The following RAD51 variants were observed in gnomAD, a reference collection of about 807,000 sequenced individuals.
The protein encoded by RAD51 is RAD51 recombinase.
Under a neutral mutation model 41.5 loss-of-function variants are expected in RAD51, and 14 were observed. That is an observed-to-expected ratio of 0.34 (90% CI 0.22 to 0.53). The LOEUF is 0.53. Ranked by LOEUF, RAD51 falls within the 20% of genes least tolerant of loss-of-function variation. RAD51 has a pLI of 0.95. For synonymous variants in RAD51, 136 were observed against 148.6 expected, an observed-to-expected ratio of 0.92 and a Z score of 0.62; for missense variants, 234 against 422.0, an observed-to-expected ratio of 0.55 and a Z score of 3.90.
chr15:40,719,151 G>A (rs772346544), intron 6 of RAD51, among the ~76,000 whole-genome samples: 1 of 151,332 alleles, frequency 6.6e-6, no homozygotes, highest in Admixed American at 6.6e-5. Flanking sequence ...TCTGCCTCCC[G>A]GGTTCAAGCA....
intron 6 of RAD51, among the ~76,000 whole-genome samples, 200 bp downstream of exon 6, chr15:40,719,099 C>T (rs1359379437): frequency 1.3e-5 from 2 of 151,290 alleles, no homozygotes; most frequent in Admixed American, 6.6e-5. Flanking sequence ...CTCTTGTCAC[C>T]CAGGCTAGAG....
At chr15:40,721,561 T>G (rs1896273890) in intron 6 of RAD51, among the ~76,000 whole-genome samples, 1 of 152,164 alleles carries the variant, frequency 6.6e-6, no homozygotes, top group African/African-American at 2.4e-5. Context: ...CTGGCTGGTC[T>G]CGAACTCCTG....
intron 1 of RAD51, among the ~76,000 whole-genome samples, chr15:40,697,046 T>C (rs994220687): frequency 1.3e-5 from 2 of 152,214 alleles, no homozygotes; most frequent in African/African-American, 4.8e-5. Context: ...ACTCTCTTAG[T>C]GGTGTCCTTT....
At chr15:40,712,874 T>C (rs1895776488) in intron 5 of RAD51, among the ~76,000 whole-genome samples, 1 of 103,798 alleles carries the variant, frequency 9.6e-6, no homozygotes, top group East Asian at 4.2e-4. Context: ...TTTCTTTTCT[T>C]TTCTTTTTTT....
intron 6 of RAD51, among the ~76,000 whole-genome samples, chr15:40,722,417 GAA>G (rs35073579): frequency 3.4e-4 from 44 of 130,480 alleles, no homozygotes; most frequent in East Asian, 8.8e-4. Flanking sequence ...CTGGCTCGGG[GAA>G]AAAAAAAAAA....
chr15:40,713,707 C>T (rs1435955118), intron 5 of RAD51, among the ~76,000 whole-genome samples: 9 of 150,468 alleles, frequency 6.0e-5, no homozygotes, highest in Non-Finnish European at 1.3e-4. Flanking sequence ...CCTGGGTTCA[C>T]GCCATTTTCC....
chr15:40,701,568 C>T (rs1368521834), intron 3 of RAD51, among the ~76,000 whole-genome samples: 8 of 151,422 alleles, frequency 5.3e-5, no homozygotes, highest in African/African-American at 1.9e-4. Context: ...TGAGCTCAGG[C>T]GATTCACCTA....
intron 5 of RAD51, among the ~76,000 whole-genome samples, chr15:40,714,649 A>G (rs1895895707): frequency 6.6e-6 from 1 of 152,264 alleles, no homozygotes; most frequent in Non-Finnish European, 1.5e-5. Context: ...TTAATTAATA[A>G]TAGAAAAGAT....
At chr15:40,702,089 T>C (rs1467895738) in intron 3 of RAD51, among the ~76,000 whole-genome samples, 2 of 146,684 alleles carry the variant, frequency 1.4e-5, no homozygotes, top group Non-Finnish European at 2.9e-5. Context: ...ACCGCAAATA[T>C]TTATTTATAA....
intron 1 of RAD51, among the ~76,000 whole-genome samples, chr15:40,698,258 G>A (rs531232413): frequency 8.0e-5 from 12 of 150,338 alleles, no homozygotes; most frequent in South Asian, 2.1e-4. Context: ...GCACGATCTC[G>A]GCTCACTGCG....
In RAD51 at chr15:40,729,825, A is replaced by C. The variant is rs780627034; in HGVS notation, c.775-28A>C. The C allele has an allele frequency of 2.5e-6, 4 of 1,614,226 alleles. No homozygotes were observed. The South Asian group carries it at 3.3e-5, about 13-fold the overall frequency. On this transcript the variant is annotated intron_variant, in intron 8 of 9. Coordinates refer to ENST00000267868, the MANE Select transcript of RAD51 (RefSeq NM_002875.5). The stretch of plus-strand genomic sequence containing the variant: ...GGCTTTTGGAGTGTCTATGGCCACA[A>C]AATTGACATTTATCCTTTCCCCATC...
In RAD51 at chr15:40,731,227, G is replaced by C. The variant is rs201490271; in HGVS notation, c.*49G>C. ...AAAACCTTAAGTGCTGCAGCCTAAT[G>C]AGAGTGCACTGCTCCCTGGGGTTCT... is the stretch of plus-strand genomic sequence containing the variant. On this transcript the variant is annotated 3_prime_UTR_variant, in exon 10 of 10. Transcript: ENST00000267868. 24 of 1,612,144 alleles carry C rather than the reference G, an allele frequency of 1.5e-5. No homozygotes were observed. The highest frequency in any genetic ancestry group is 1.0e-4 in the Admixed American group (6 of 59,978).
chr15:40,696,229 A>G (rs575382346), intron 1 of RAD51, among the ~76,000 whole-genome samples: 5 of 152,278 alleles, frequency 3.3e-5, no homozygotes, highest in Admixed American at 2.6e-4. Context: ...GCAATGTAAT[A>G]TACATGTAGA....
intron 4 of RAD51, among the ~76,000 whole-genome samples, chr15:40,708,111 A>T (rs1895470851): frequency 7.6e-6 from 1 of 131,198 alleles, no homozygotes; most frequent in South Asian, 2.4e-4. Context: ...TTCCGCCCCC[A>T]GGTTCAAGCT....
At chr15:40,700,962 A>T in intron 2 of RAD51, 102 bp from the exon 3 acceptor site, 71 of 793,386 alleles carry the variant, frequency 8.9e-5, no homozygotes, top group East Asian at 1.9e-4. Flanking sequence ...CAGTTGTATT[A>T]CAAGTCTTCA....
At chr15:40,710,815 A>G (rs568531598) in intron 5 of RAD51, among the ~76,000 whole-genome samples, 6 of 152,246 alleles carry the variant, frequency 3.9e-5, no homozygotes, top group African/African-American at 1.2e-4. Flanking sequence ...CATTCTATCA[A>G]TATGATTTGG....
In RAD51 at chr15:40,705,108, C is replaced by G. The variant is rs1260851741; in HGVS notation, c.226-1069C>G. Among the ~76,000 whole-genome samples the G allele has an allele frequency of 3.9e-5, 6 of 152,224 alleles. No homozygotes were observed. In the East Asian group the frequency reaches 1.2e-3, roughly 29 times the overall value. On this transcript the variant is annotated intron_variant, in intron 3 of 9. Coordinates refer to ENST00000267868, the MANE Select transcript of RAD51 (RefSeq NM_002875.5). ...TACAGGTGTGATTCACCACACCCAG[C>G]CTTCTTTTCTAATATAGCTGTTTAT...
Position 40,705,863 on chromosome 15 carries a change from T to C in RAD51, c.226-314T>C, listed in dbSNP as rs576171045. 3.7e-4 allele frequency among the ~76,000 whole-genome samples: 57 copies of C among 152,254 alleles called. No individual in the cohort carries two copies. In the East Asian group the frequency reaches 9.8e-3, roughly 26 times the overall value. Reference sequence around the variant, plus strand: ...CGTTGTGATCCGCCTGCCTTGGCCTTCCAAAGTGCTGGGATTACAGGCGTG... The same window carrying C: ...CGTTGTGATCCGCCTGCCTTGGCCTCCCAAAGTGCTGGGATTACAGGCGTG... On this transcript the variant is annotated intron_variant, in intron 3 of 9. Coordinates refer to ENST00000267868, the MANE Select transcript of RAD51 (RefSeq NM_002875.5).
chr15:40,725,541 A>G (rs1023055896), intron 6 of RAD51, among the ~76,000 whole-genome samples: 1 of 152,198 alleles, frequency 6.6e-6, no homozygotes, highest in Non-Finnish European at 1.5e-5. Flanking sequence ...GCCCACATGC[A>G]TGTTACTGTA....
Sources: allele counts gnomAD v4.1 joint callset (sites outside exome capture counted in the v4.1 genomes callset), GRCh38; gene constraint gnomAD v4.1.1; transcripts MANE v1.5; gene names NCBI Gene and HGNC (gene_info 2026-07-23, HGNC 2026-07-21).